Variants in LSAMP observed in about 807,000 individuals in gnomAD.
LSAMP encodes the protein limbic system-associated membrane protein.
LSAMP carries 7 observed loss-of-function variants against 38.6 expected under a neutral mutation model. The observed-to-expected ratio is 0.18, with a 90% CI of 0.10 to 0.34. LSAMP has a LOEUF of 0.34. Ranked by LOEUF, LSAMP falls within the 10% of genes least tolerant of loss-of-function variation. The pLI, the probability that LSAMP is intolerant of heterozygous loss-of-function variation, is 1.00. For synonymous variants in LSAMP, 154 were observed against 166.8 expected (o/e 0.92, Z 0.59); for missense variants, 313 against 420.0 (o/e 0.75, Z 2.23).
intron 6 of LSAMP, among the ~76,000 whole-genome samples, chr3:115,818,822 A>ATATAT (rs55828725): frequency 1.0e-4 from 13 of 125,180 alleles, no homozygotes; most frequent in South Asian, 5.6e-4. Flanking sequence ...ATATATATAT[A>ATATAT]ACTGCAGCAA....
At chr3:116,329,307 A>G (rs979147407) in intron 1 of LSAMP, among the ~76,000 whole-genome samples, 2 of 152,190 alleles carry the variant, frequency 1.3e-5, no homozygotes, top group African/African-American at 4.8e-5. Context: ...ATGTGTAAGT[A>G]GAGAAGTTCA....
At chr3:116,081,931 A>G (rs1707881067) in intron 2 of LSAMP, among the ~76,000 whole-genome samples, 1 of 152,238 alleles carries the variant, frequency 6.6e-6, no homozygotes, top group Non-Finnish European at 1.5e-5. Flanking sequence ...TAAAAATGGG[A>G]GCAAAAGATT....
At chr3:116,364,143 T>C (rs1576163293) in intron 1 of LSAMP, among the ~76,000 whole-genome samples, 1 of 54,300 alleles carries the variant, frequency 1.8e-5, no homozygotes, top group East Asian at 3.8e-4. Flanking sequence ...CTCCTTAAGC[T>C]GATAAGCAAC....
At chr3:116,137,742 T>C (rs1373992307) in intron 1 of LSAMP, among the ~76,000 whole-genome samples, 1 of 152,178 alleles carries the variant, frequency 6.6e-6, no homozygotes. Context: ...TTTTGTATTC[T>C]AGAGATGAGA....
intron 1 of LSAMP, among the ~76,000 whole-genome samples, chr3:116,116,798 C>T (rs1046996662): frequency 2.0e-5 from 3 of 152,046 alleles, no homozygotes; most frequent in Non-Finnish European, 4.4e-5. Context: ...CCAGGAGCCA[C>T]GTCAAAAGTT....
chr3:116,255,057 G>C (rs2046732306), intron 1 of LSAMP, among the ~76,000 whole-genome samples: 1 of 152,096 alleles, frequency 6.6e-6, no homozygotes, highest in Non-Finnish European at 1.5e-5. Context: ...TGAGACATGA[G>C]ACTGCATTTT....
At chr3:116,412,191 T>A (rs1190856327) in intron 1 of LSAMP, among the ~76,000 whole-genome samples, 1 of 152,058 alleles carries the variant, frequency 6.6e-6, no homozygotes, top group Non-Finnish European at 1.5e-5. Flanking sequence ...GTGGAAACTG[T>A]AATTATTCAT....
At chr3:116,119,569 A>C (rs937170904) in intron 1 of LSAMP, among the ~76,000 whole-genome samples, 2 of 152,162 alleles carry the variant, frequency 1.3e-5, no homozygotes, top group African/African-American at 4.8e-5. Flanking sequence ...CAGGGATATT[A>C]TAAATAGAGC....
intron 1 of LSAMP, among the ~76,000 whole-genome samples, chr3:116,355,623 G>A (rs1459232572): frequency 6.6e-6 from 1 of 152,026 alleles, no homozygotes; most frequent in Non-Finnish European, 1.5e-5. Context: ...GCATAGCAAA[G>A]GAAACAATCC....
intron 1 of LSAMP, among the ~76,000 whole-genome samples, chr3:116,420,101 C>T (rs1245640428): frequency 2.8e-5 from 4 of 143,632 alleles, no homozygotes; most frequent in African/African-American, 5.1e-5. Flanking sequence ...TTTTTCTTTT[C>T]TTTTTTTTTT....
chr3:115,869,648 T>G (rs1032783501), intron 3 of LSAMP, among the ~76,000 whole-genome samples: 5 of 152,270 alleles, frequency 3.3e-5, no homozygotes, highest in Admixed American at 3.3e-4. Context: ...AGGTACTCAC[T>G]AAATATTAAT....
intron 3 of LSAMP, among the ~76,000 whole-genome samples, chr3:115,978,304 G>C (rs1170340893): frequency 1.3e-5 from 2 of 152,090 alleles, no homozygotes; most frequent in Admixed American, 6.6e-5. Context: ...CCAGTAAGAA[G>C]AGATTATAGA....
At chr3:116,157,899 T>C (rs769619512) in intron 1 of LSAMP, among the ~76,000 whole-genome samples, 108 of 151,568 alleles carry the variant, frequency 7.1e-4, no homozygotes, top group Non-Finnish European at 1.3e-3. Flanking sequence ...AGAGACACAA[T>C]AAAAAAAGAA....
chr3:116,423,900 C>T (rs1477918448), intron 1 of LSAMP, among the ~76,000 whole-genome samples: 1 of 151,982 alleles, frequency 6.6e-6, no homozygotes, highest in African/African-American at 2.4e-5. Context: ...AAGAAGAACA[C>T]AGCAAGATCA....
chr3:115,849,028 AT>A (rs1935247613), intron 4 of LSAMP, among the ~76,000 whole-genome samples: 1 of 152,220 alleles, frequency 6.6e-6, no homozygotes, highest in Admixed American at 6.5e-5. Context: ...GTGAACTGAA[AT>A]TGAGGAACTG....
chr3:116,334,740 A>G (rs939186066), intron 1 of LSAMP, among the ~76,000 whole-genome samples: 6 of 152,060 alleles, frequency 3.9e-5, no homozygotes, highest in African/African-American at 1.4e-4. Context: ...TAGAAACTAT[A>G]TCCACATAAG....
intron 1 of LSAMP, among the ~76,000 whole-genome samples, chr3:116,231,224 A>G (rs960996066): frequency 2.6e-5 from 4 of 152,170 alleles, no homozygotes; most frequent in Admixed American, 1.3e-4. Context: ...TTCTTTTAAC[A>G]TTTGATGCAG....
intron 1 of LSAMP, among the ~76,000 whole-genome samples, chr3:116,303,214 A>G (rs77207334): frequency 0.018 from 2,780 of 152,336 alleles, 86 homozygotes; most frequent in African/African-American, 0.063. Flanking sequence ...AGCAAACAAC[A>G]GAAGTCTTTC....
Position 115,842,472 on chromosome 3 carries a change from G to A in LSAMP, c.756C>T (p.Tyr252=). 1 of 1,613,854 alleles carries A rather than the reference G, an allele frequency of 6.2e-7. No individual in the cohort carries two copies. The highest frequency in any genetic ancestry group is 2.2e-5 in the East Asian group (1 of 44,872). Residue 252 remains tyrosine (Y), a synonymous_variant, in exon 5 of 7, where the codon TAC becomes TAT. Transcript: ENST00000490035. ...TTGGCACATACCTAGTGTCATCCCG[G>A]TACCACTCAAAGTCAGGTGCAGGCA... The part of the protein sequence containing the change: ...SAVPAPDFEW[Y]RDDTRINSAN...
Sources: gnomAD v4.1 joint callset for allele counts (sites outside exome capture counted in the v4.1 genomes callset) on GRCh38, gnomAD v4.1.1 for gene constraint, MANE v1.5 for transcripts, NCBI Gene and HGNC (gene_info 2026-07-23, HGNC 2026-07-21) for gene names.